Variants in ARHGAP39 observed in about 807,000 individuals in gnomAD.
The protein encoded by ARHGAP39 is Rho GTPase activating protein 39.
ARHGAP39 carries 44 observed loss-of-function variants against 106.9 expected under a neutral mutation model. The ratio of observed to expected loss-of-function variants is 0.41; its 90% confidence interval spans 0.32 to 0.53. The LOEUF (loss-of-function observed/expected upper bound fraction) is 0.53. ARHGAP39 is among the 20% of genes least tolerant of loss of function. The pLI, the probability that ARHGAP39 is intolerant of heterozygous loss-of-function variation, is 0.21. For synonymous variants in ARHGAP39, 768 were observed against 693.2 expected, an observed-to-expected ratio of 1.11 and a Z score of -1.69; for missense variants, 1,496 against 1,577.3, an observed-to-expected ratio of 0.95 and a Z score of 0.87.
At position 144,548,284 on chromosome 8, in the gene ARHGAP39, G is replaced by A. The variant is rs1817553897; in HGVS notation, c.802C>T (p.Pro268Ser). The A allele has an allele frequency of 6.2e-6, 10 of 1,608,840 alleles. No individual in the cohort carries two copies. Among genetic ancestry groups the A allele is most frequent in the African/African-American group, 2.7e-5 (2 of 74,820 alleles). ...AGGAAGGGTGACGGCCTCCTCTCTGGGAAGAAGATGGTGCCGTCAGCCTCC... is the reference window on the plus strand; with the variant it reads ...AGGAAGGGTGACGGCCTCCTCTCTGAGAAGAAGATGGTGCCGTCAGCCTCC... ...APEADGTIFF[P>S]ERRPSPFLKR... Residue 268 changes from proline to serine, a missense_variant, in exon 5 of 12, where the codon CCA (proline) becomes TCA (serine). Coordinates refer to ENST00000377307, the MANE Select transcript of ARHGAP39 (RefSeq NM_025251.3). The surrounding 1 kb of genome is among the most constrained non-coding windows in gnomAD (Gnocchi z 7.4).
At chr8:144,633,839 T>G (rs578262119) in intron 1 of ARHGAP39, among the ~76,000 whole-genome samples, 1 of 152,350 alleles carries the variant, frequency 6.6e-6, no homozygotes, top group South Asian at 2.1e-4. Flanking sequence ...CCATGCCTGG[T>G]GAACCTATAT....
chr8:144,592,920 C>T (rs1040943601), intron 2 of ARHGAP39, among the ~76,000 whole-genome samples: 9 of 152,298 alleles, frequency 5.9e-5, no homozygotes, highest in African/African-American at 9.6e-5. Flanking sequence ...GGGGAACTCG[C>T]GCCTCGGCCC....
At chr8:144,612,134 C>T (rs1211976020) in intron 1 of ARHGAP39, among the ~76,000 whole-genome samples, 9 of 152,082 alleles carry the variant, frequency 5.9e-5, no homozygotes, top group Non-Finnish European at 1.0e-4. Flanking sequence ...TGAGCCACGG[C>T]TGCGCCGCTG....
intron 6 of ARHGAP39, among the ~76,000 whole-genome samples, chr8:144,543,631 G>A: frequency 6.6e-6 from 1 of 152,240 alleles, no homozygotes; most frequent in South Asian, 2.1e-4. Flanking sequence ...CGGCCGCCCA[G>A]GCTGAAGCCT....
chr8:144,579,573 G>A (rs1818892089), intron 3 of ARHGAP39, among the ~76,000 whole-genome samples: 2 of 152,044 alleles, frequency 1.3e-5, no homozygotes, highest in Admixed American at 6.6e-5. Context: ...TCTGCAGCAG[G>A]CCCCATCCCT....
chr8:144,569,908 A>C (rs1203576307), intron 3 of ARHGAP39, among the ~76,000 whole-genome samples: 4 of 152,212 alleles, frequency 2.6e-5, no homozygotes, highest in Admixed American at 2.6e-4. Flanking sequence ...AAATGAGGAC[A>C]GAGAGAGCAA....
At position 144,545,909 on chromosome 8, in the gene ARHGAP39, A is replaced by C. The variant is rs1817400433; in HGVS notation, c.1960-99T>G. On this transcript the variant is annotated intron_variant, in intron 5 of 11. Coordinates refer to ENST00000377307, the MANE Select transcript of ARHGAP39 (RefSeq NM_025251.3). ...CCCCAGAAGTGTGAGCTGGGGCCCC[A>C]CCAGAGCCAGCCAGGTGAGAGCCCT... is the stretch of plus-strand genomic sequence containing the variant. 1.4e-5 allele frequency: 15 copies of C among 1,087,290 alleles called. No homozygotes were observed. In the South Asian group the frequency reaches 2.5e-4, roughly 18 times the overall value. 67.4% of individuals were successfully genotyped at this position (1,087,290 alleles called of 1,614,324 possible). A position where few individuals can be genotyped will look rare whatever the true frequency, so the allele number is the denominator to read the frequency against.
intron 2 of ARHGAP39, among the ~76,000 whole-genome samples, chr8:144,595,706 C>T (rs1035480671): frequency 7.2e-5 from 11 of 152,218 alleles, no homozygotes; most frequent in Admixed American, 3.9e-4. Flanking sequence ...CCAGGGTCCA[C>T]GATGGCCATG....
chr8:144,592,899 T>C (rs1199955323), intron 2 of ARHGAP39, among the ~76,000 whole-genome samples: 1 of 152,070 alleles, frequency 6.6e-6, no homozygotes, highest in African/African-American at 2.4e-5. Context: ...GGGGAGGACA[T>C]TGTGTGGGCT....
chr8:144,621,191 C>A (rs1425608686), intron 1 of ARHGAP39, among the ~76,000 whole-genome samples: 6 of 152,288 alleles, frequency 3.9e-5, no homozygotes, highest in Non-Finnish European at 4.4e-5. Context: ...ACTCTGCAGG[C>A]CAACCAGTGC....
At chr8:144,565,928 CAAAA>C (rs796671932) in intron 3 of ARHGAP39, among the ~76,000 whole-genome samples, 17 of 53,318 alleles carry the variant, frequency 3.2e-4, no homozygotes, top group Middle Eastern at 0.011. Flanking sequence ...CCCAACTCTA[CAAAA>C]AAAAAAAAAA....
intron 1 of ARHGAP39, among the ~76,000 whole-genome samples, chr8:144,672,773 A>AT (rs1822130103): frequency 6.6e-6 from 1 of 152,244 alleles, no homozygotes; most frequent in Non-Finnish European, 1.5e-5. Flanking sequence ...CCTTGAACAA[A>AT]TAAGCAGGAC....
At chr8:144,592,112 C>A (rs1417963066) in intron 2 of ARHGAP39, among the ~76,000 whole-genome samples, 2 of 152,210 alleles carry the variant, frequency 1.3e-5, no homozygotes, top group African/African-American at 2.4e-5. Flanking sequence ...AATGCACTTT[C>A]AAATGAATGT....
At chr8:144,601,981 G>A (rs543470587) in intron 2 of ARHGAP39, among the ~76,000 whole-genome samples, 1 of 146,710 alleles carries the variant, frequency 6.8e-6, no homozygotes, top group African/African-American at 2.5e-5. Context: ...GTGGAGGTGC[G>A]TGTGCGAGCT....
chr8:144,626,988 C>A (rs1368224025), intron 1 of ARHGAP39, among the ~76,000 whole-genome samples: 3 of 152,204 alleles, frequency 2.0e-5, no homozygotes, highest in Admixed American at 6.5e-5. Context: ...CCATGTTTGT[C>A]CCCCCTGGGG....
rs763176123 is a variant in ARHGAP39 at position 144,548,374 on chromosome 8, G to C, written c.712C>G (p.Pro238Ala). The C allele has an allele frequency of 6.2e-7, 1 of 1,609,484 alleles. No individual in the cohort carries two copies. The highest frequency in any genetic ancestry group is 8.5e-7 in the Non-Finnish European group (1 of 1,178,384). Residue 238 changes from proline to alanine, a missense_variant, in exon 5 of 12, where the codon CCT (proline) becomes GCT (alanine). Physicochemically the swap from Pro to Ala is conservative, Grantham distance 27. This residue lies in a region of ARHGAP39 where 905 missense variants were observed against 816.4 expected (regional missense o/e 1.11). Coordinates refer to ENST00000377307, the MANE Select transcript of ARHGAP39 (RefSeq NM_025251.3). The surrounding 1 kb of genome is among the most constrained non-coding windows in gnomAD (Gnocchi z 7.4). ...QGNGYAPDGP[P>A]GVRSRRPSGS... ...GAGGGTCTGCGGGAGCGGACCCCAG[G>C]TGGGCCGTCTGGGGCGTAGCCATTG... is the stretch of plus-strand genomic sequence containing the variant.
intron 1 of ARHGAP39, among the ~76,000 whole-genome samples, chr8:144,643,735 G>A (rs1821368562): frequency 6.6e-6 from 1 of 152,162 alleles, no homozygotes; most frequent in East Asian, 1.9e-4. Flanking sequence ...ACAACCAAAG[G>A]ACGTGTGATA....
At chr8:144,615,528 G>A (rs1763186953) in intron 1 of ARHGAP39, among the ~76,000 whole-genome samples, 1 of 152,158 alleles carries the variant, frequency 6.6e-6, no homozygotes, top group African/African-American at 2.4e-5. Flanking sequence ...GGCTGTCACT[G>A]CTTCCCGTCT....
At position 144,647,941 on chromosome 8, in the gene ARHGAP39, C is replaced by A. The variant is rs1821485999; in HGVS notation, c.-82+37745G>T. The stretch of plus-strand genomic sequence containing the variant: ...AGACAAAAGACTGGAGGGCTGAAAA[C>A]ATGTATAAATTCCTGGTACAATTTC... On this transcript the variant is annotated intron_variant, in intron 1 of 11. Coordinates refer to ENST00000377307, the MANE Select transcript of ARHGAP39 (RefSeq NM_025251.3). The surrounding 1 kb of genome is among the most constrained non-coding windows in gnomAD (Gnocchi z 4.8). Among the ~76,000 whole-genome samples the A allele has an allele frequency of 6.6e-6, 1 of 152,214 alleles. No individual in the cohort carries two copies. The highest frequency in any genetic ancestry group is 1.5e-5 in the Non-Finnish European group (1 of 68,040).
Sources: gnomAD v4.1 joint callset for allele counts (sites outside exome capture counted in the v4.1 genomes callset) on GRCh38, gnomAD v4.1.1 for gene constraint, gnomAD v4.1.1 regional missense constraint, Gnocchi (gnomAD v3.1) non-coding constraint, MANE v1.5 for transcripts, NCBI Gene and HGNC (gene_info 2026-07-23, HGNC 2026-07-21) for gene names.